CNTN5: variants seen among roughly 807,000 people sequenced by gnomAD.
CNTN5 encodes the protein contactin-5.
In CNTN5, 77 loss-of-function variants were observed where a neutral mutation model predicts 129.1. The observed-to-expected ratio is 0.60, with a 90% CI of 0.50 to 0.72. The LOEUF (loss-of-function observed/expected upper bound fraction) is 0.72. CNTN5 is among the 30% of genes least tolerant of loss of function. The pLI, the probability that CNTN5 is intolerant of heterozygous loss-of-function variation, is 0.00. For missense variants in CNTN5, 1,478 were observed against 1,328.8 expected (o/e 1.11, Z -1.75); for synonymous variants, 509 against 465.6 (o/e 1.09, Z -1.20).
intron 1 of CNTN5, among the ~76,000 whole-genome samples, chr11:99,314,959 G>A (rs911866051): frequency 1.3e-5 from 2 of 148,496 alleles, no homozygotes; most frequent in African/African-American, 4.9e-5. Flanking sequence ...TGTGGGTGGG[G>A]GGACGGGGTG....
At chr11:99,598,891 A>C (rs938771073) in intron 3 of CNTN5, among the ~76,000 whole-genome samples, 1 of 152,116 alleles carries the variant, frequency 6.6e-6, no homozygotes, top group African/African-American at 2.4e-5. Flanking sequence ...ATCTATGATA[A>C]ATGTTAGTTA....
chr11:100,011,530 T>C (rs1940532505), intron 9 of CNTN5, among the ~76,000 whole-genome samples: 1 of 152,170 alleles, frequency 6.6e-6, no homozygotes, highest in South Asian at 2.1e-4. Flanking sequence ...TCAAAAGGCC[T>C]TGAACCTGTT....
chr11:99,175,860 T>G (rs1857745122), intron 1 of CNTN5, among the ~76,000 whole-genome samples: 1 of 152,060 alleles, frequency 6.6e-6, no homozygotes, highest in Non-Finnish European at 1.5e-5. Context: ...TGAATTTGGA[T>G]GAATAAACAT....
At chr11:99,728,724 A>G (rs10893803) in intron 3 of CNTN5, among the ~76,000 whole-genome samples, 23,286 of 152,132 alleles carry the variant, frequency 0.15, 1,942 homozygotes, top group Non-Finnish European at 0.18. Flanking sequence ...ATGAGTCACC[A>G]AAATTGGAGT....
At chr11:99,022,341 C>A (rs1305109770) in intron 1 of CNTN5, among the ~76,000 whole-genome samples, 1 of 152,068 alleles carries the variant, frequency 6.6e-6, no homozygotes, top group Non-Finnish European at 1.5e-5. Flanking sequence ...AACAGAATTA[C>A]AGAAGTACTT....
intron 6 of CNTN5, 102 bp downstream of exon 6, chr11:99,845,364 ATCT>A: frequency 1.7e-5 from 4 of 239,228 alleles, no homozygotes; most frequent in Admixed American, 8.0e-5. Flanking sequence ...AAGATCTCAA[ATCT>A]TTTTTTTTTT....
intron 3 of CNTN5, among the ~76,000 whole-genome samples, chr11:99,723,425 T>C (rs1943237651): frequency 6.6e-6 from 1 of 152,128 alleles, no homozygotes; most frequent in Admixed American, 6.6e-5. Flanking sequence ...TTCTCCTATA[T>C]GATCATTTAA....
chr11:99,909,597 T>G (rs1442248962), intron 6 of CNTN5, among the ~76,000 whole-genome samples: 5 of 151,992 alleles, frequency 3.3e-5, no homozygotes, highest in African/African-American at 1.2e-4. Context: ...ATTAAGAAAA[T>G]GTGGCACATA....
At chr11:99,595,802 A>C (rs1183366813) in intron 3 of CNTN5, among the ~76,000 whole-genome samples, 1 of 151,988 alleles carries the variant, frequency 6.6e-6, no homozygotes, top group East Asian at 1.9e-4. Flanking sequence ...AGTTGCAAGA[A>C]ATGTGTGATC....
chr11:99,874,253 C>T (rs184359047), intron 6 of CNTN5, among the ~76,000 whole-genome samples: 15 of 152,284 alleles, frequency 9.9e-5, no homozygotes, highest in African/African-American at 3.4e-4. Context: ...TCTGCAGGGT[C>T]TTCCTCCGTT....
At chr11:100,193,363 G>A (rs1948547987) in intron 14 of CNTN5, 125 bp from the exon 15 acceptor site, 1 of 556,442 alleles carries the variant, frequency 1.8e-6, no homozygotes, top group African/African-American at 2.0e-5. Context: ...TAAAAAAGCT[G>A]GTATATGTAT....
At chr11:99,032,184 G>T (rs1863423498) in intron 1 of CNTN5, among the ~76,000 whole-genome samples, 1 of 151,928 alleles carries the variant, frequency 6.6e-6, no homozygotes, top group Non-Finnish European at 1.5e-5. Flanking sequence ...CATTTGGGTT[G>T]GTTCCAACTC....
chr11:99,130,801 A>G (rs1201230800), intron 1 of CNTN5, among the ~76,000 whole-genome samples: 1 of 152,190 alleles, frequency 6.6e-6, no homozygotes, highest in Non-Finnish European at 1.5e-5. Context: ...CTCAATATTA[A>G]GAAACCAACT....
At chr11:100,264,354 A>T (rs1388356290) in intron 17 of CNTN5, among the ~76,000 whole-genome samples, 1 of 152,008 alleles carries the variant, frequency 6.6e-6, no homozygotes, top group Admixed American at 6.6e-5. Flanking sequence ...CCCCACATGC[A>T]TTAGGTGTTT....
intron 3 of CNTN5, among the ~76,000 whole-genome samples, chr11:99,651,088 A>G (rs943044606): frequency 6.6e-6 from 1 of 151,978 alleles, no homozygotes; most frequent in Non-Finnish European, 1.5e-5. Flanking sequence ...CACAATCAAG[A>G]TGGGACTCTG....
chr11:99,491,699 G>A (rs982888), intron 2 of CNTN5, among the ~76,000 whole-genome samples: 152,095 of 152,302 alleles, frequency 1, 75,944 homozygotes, highest in Non-Finnish European at 1. Flanking sequence ...TACCAGGCCA[G>A]TTATCTAACT....
chr11:99,145,208 T>C (rs1160200958), intron 1 of CNTN5, among the ~76,000 whole-genome samples: 2 of 152,112 alleles, frequency 1.3e-5, no homozygotes, highest in Middle Eastern at 3.2e-3. Context: ...TAGCTGAGAT[T>C]ACAAGCATGA....
At chr11:100,063,747 C>T (rs899811645) in intron 10 of CNTN5, among the ~76,000 whole-genome samples, 13 of 147,260 alleles carry the variant, frequency 8.8e-5, no homozygotes, top group African/African-American at 3.2e-4. Context: ...ATTATCTGAG[C>T]ATGGCGTTGC....
At chr11:99,203,218 A>G (rs1859303911) in intron 1 of CNTN5, among the ~76,000 whole-genome samples, 1 of 152,304 alleles carries the variant, frequency 6.6e-6, no homozygotes, top group Middle Eastern at 3.4e-3. Flanking sequence ...ACAGAGACCC[A>G]TTGGAGAGAC....
Sources: gnomAD v4.1 joint callset for allele counts (sites outside exome capture counted in the v4.1 genomes callset) on GRCh38, gnomAD v4.1.1 for gene constraint, MANE v1.5 for transcripts, NCBI Gene and HGNC (gene_info 2026-07-23, HGNC 2026-07-21) for gene names.